SEM1: variants seen among roughly 807,000 people sequenced by gnomAD.
The protein encoded by SEM1 is SEM1 26S proteasome subunit.
A neutral mutation model predicts 12.7 loss-of-function variants in SEM1; 3 were observed. That is an observed-to-expected ratio of 0.24 (90% CI 0.11 to 0.61). The LOEUF (loss-of-function observed/expected upper bound fraction) is 0.61. Among genes scored for constraint, SEM1 ranks in the 20% least tolerant of loss-of-function variants. SEM1 has a pLI of 0.88. For missense variants in SEM1, 59 were observed against 81.3 expected (o/e 0.73, Z 1.06); for synonymous variants, 30 against 27.8 (o/e 1.08, Z -0.25).
chr7:96,540,832 C>T (rs916167771), intron 2 of SEM1, among the ~76,000 whole-genome samples: 3 of 151,710 alleles, frequency 2.0e-5, no homozygotes, highest in African/African-American at 7.3e-5. Context: ...TGAGAAAACA[C>T]GGTATTTGGT....
intron 2 of SEM1, among the ~76,000 whole-genome samples, chr7:96,510,779 GA>G (rs1281646721): frequency 6.6e-6 from 1 of 152,118 alleles, no homozygotes; most frequent in African/African-American, 2.4e-5. Context: ...GATCAAATGA[GA>G]ATCTCTGCAG....
At chr7:96,496,420 T>C (rs998741682), upstream of SEM1, 1 of 651,960 alleles carries the variant, frequency 1.5e-6, no homozygotes, top group African/African-American at 1.8e-5. Flanking sequence ...AAAAATAATC[T>C]AAATCTTTAT....
chr7:96,485,420 T>A (rs138795409), intron 2 of SEM1, among the ~76,000 whole-genome samples: 1 of 152,148 alleles, frequency 6.6e-6, no homozygotes, highest in Non-Finnish European at 1.5e-5. Context: ...TCCTCTTGCT[T>A]TGATCTTCCC....
chr7:96,661,602 G>A (rs1413080195), intron 2 of SEM1, among the ~76,000 whole-genome samples: 1 of 137,110 alleles, frequency 7.3e-6, no homozygotes, highest in South Asian at 2.5e-4. Context: ...AAATAGAGAA[G>A]AGAGAAAGAC....
At chr7:96,593,775 A>T (rs923593302) in intron 2 of SEM1, among the ~76,000 whole-genome samples, 2 of 152,222 alleles carry the variant, frequency 1.3e-5, no homozygotes, top group Non-Finnish European at 2.9e-5. Flanking sequence ...AGGAAAAAGA[A>T]TGACTGATAT....
At chr7:96,559,813 A>G (rs1484350623) in intron 2 of SEM1, among the ~76,000 whole-genome samples, 1 of 152,200 alleles carries the variant, frequency 6.6e-6, no homozygotes, top group African/African-American at 2.4e-5. Flanking sequence ...CTAAATGAAA[A>G]TGTCACTTAT....
At chr7:96,707,622 A>G (rs1304315840) in intron 1 of SEM1, among the ~76,000 whole-genome samples, 1 of 152,210 alleles carries the variant, frequency 6.6e-6, no homozygotes, top group Non-Finnish European at 1.5e-5. Context: ...GTCCTTAGAA[A>G]GAATAATTTT....
At chr7:96,699,154 G>A (rs7805658) in intron 1 of SEM1, among the ~76,000 whole-genome samples, 51,926 of 151,792 alleles carry the variant, frequency 0.34, 10,319 homozygotes, top group East Asian at 0.67. Flanking sequence ...GACACGCATG[G>A]GCAAAATCAC....
rs117579574 is a variant in SEM1, at chr7:96,515,329, C to T, written c.171-8631G>A. On this transcript the variant is annotated intron_variant and NMD_transcript_variant, in intron 2 of 3. Coordinates refer to the SEM1 transcript ENST00000466986. Reference sequence around the variant, plus strand: ...TGCAAATCAAAACCACAAAGGGATACCATCTCACGCCAATTAGAATGATGA... The same window carrying T: ...TGCAAATCAAAACCACAAAGGGATATCATCTCACGCCAATTAGAATGATGA... Among the ~76,000 whole-genome samples the T allele has an allele frequency of 4.8e-4, 73 of 152,206 alleles. No individual in the cohort carries two copies. The East Asian group carries it at 0.011, about 22-fold the overall frequency.
intron 2 of SEM1, among the ~76,000 whole-genome samples, chr7:96,509,962 T>TG (rs1212224479): frequency 1.3e-5 from 2 of 152,104 alleles, no homozygotes; most frequent in Non-Finnish European, 2.9e-5. Context: ...GAAAATGTTC[T>TG]GGGGACGGAT....
chr7:96,703,675 G>A (rs540794559), intron 1 of SEM1, among the ~76,000 whole-genome samples: 3 of 151,362 alleles, frequency 2.0e-5, no homozygotes, highest in African/African-American at 4.8e-5. Context: ...TAAAGGCCAG[G>A]TGCAGTGGCT....
chr7:96,529,627 A>G (rs1804581013), intron 2 of SEM1, among the ~76,000 whole-genome samples: 1 of 151,880 alleles, frequency 6.6e-6, no homozygotes, highest in Admixed American at 6.6e-5. Context: ...TAAAAAAAAA[A>G]TTGTAGTTCT....
chr7:96,570,539 G>A (rs547896427), intron 2 of SEM1, among the ~76,000 whole-genome samples: 50 of 152,190 alleles, frequency 3.3e-4, no homozygotes, highest in African/African-American at 1.2e-3. Flanking sequence ...CCTTTTTATG[G>A]CTACATAGTA....
At chr7:96,527,420 TG>T (rs1162805751) in intron 2 of SEM1, among the ~76,000 whole-genome samples, 2 of 152,146 alleles carry the variant, frequency 1.3e-5, no homozygotes, top group Non-Finnish European at 2.9e-5. Context: ...CAGCTTTTTG[TG>T]TACCAGGGTG....
intron 2 of SEM1, among the ~76,000 whole-genome samples, chr7:96,520,629 G>C (rs1804238595): frequency 6.6e-6 from 1 of 152,124 alleles, no homozygotes; most frequent in Non-Finnish European, 1.5e-5. Context: ...AACAGGTAGG[G>C]AGAAGTTTCG....
At chr7:96,593,573 G>GT (rs1365840708) in intron 2 of SEM1, among the ~76,000 whole-genome samples, 1 of 152,210 alleles carries the variant, frequency 6.6e-6, no homozygotes, top group African/African-American at 2.4e-5. Flanking sequence ...ATGCTGGAGA[G>GT]TAATTCTTCT....
At chr7:96,672,420 C>T (rs1336966266), downstream of SEM1, 1 of 152,232 alleles carries the variant, frequency 6.6e-6, no homozygotes. Flanking sequence ...ACACCTCCAG[C>T]TTCATCCCTG....
chr7:96,690,819 G>A (rs1789909552), intron 2 of SEM1, among the ~76,000 whole-genome samples: 1 of 152,130 alleles, frequency 6.6e-6, no homozygotes, highest in Non-Finnish European at 1.5e-5. Flanking sequence ...TGCCCAGGCT[G>A]GAGTGCAGTG....
At chr7:96,574,596 T>C (rs1020011554) in intron 2 of SEM1, among the ~76,000 whole-genome samples, 3 of 152,212 alleles carry the variant, frequency 2.0e-5, no homozygotes, top group Non-Finnish European at 2.9e-5. Flanking sequence ...CTCCAGCTAC[T>C]GTTGTTTCCT....
Sources: gnomAD v4.1 joint callset for allele counts (sites outside exome capture counted in the v4.1 genomes callset) on GRCh38, gnomAD v4.1.1 for gene constraint, MANE v1.5 for transcripts, NCBI Gene and HGNC (gene_info 2026-07-23, HGNC 2026-07-21) for gene names.